NTM: variants seen among roughly 807,000 people sequenced by gnomAD.
NTM encodes neurotrimin, also known as IgLON family member 2.
In NTM, 13 loss-of-function variants were observed where a neutral mutation model predicts 42.1. The observed-to-expected ratio is 0.31, with a 90% CI of 0.20 to 0.49. The LOEUF (loss-of-function observed/expected upper bound fraction) is 0.49, where lower values mean the gene tolerates loss of function less well. Ranked by LOEUF, NTM falls within the 20% of genes least tolerant of loss-of-function variation. The probability of loss-of-function intolerance (pLI) is 0.99; values close to 1 mark genes in which losing one functional copy is unlikely to be tolerated. For missense variants in NTM, 373 were observed against 452.8 expected (o/e 0.82, Z 1.60); for synonymous variants, 187 against 179.2 (o/e 1.04, Z -0.35).
At chr11:131,440,013 A>G (rs1415136372) in intron 1 of NTM, among the ~76,000 whole-genome samples, 2 of 143,764 alleles carry the variant, frequency 1.4e-5, no homozygotes, top group African/African-American at 2.6e-5. Context: ...TTGAAAATGT[A>G]TCTTGTGGTA....
intron 1 of NTM, among the ~76,000 whole-genome samples, chr11:131,774,882 A>T (rs1345719391): frequency 1.3e-5 from 2 of 152,188 alleles, no homozygotes; most frequent in Admixed American, 1.3e-4. Flanking sequence ...AAATTCTGTA[A>T]TGTCTCATGA....
intron 1 of NTM, among the ~76,000 whole-genome samples, chr11:131,416,132 G>C (rs934344734): frequency 6.6e-6 from 1 of 151,422 alleles, no homozygotes; most frequent in African/African-American, 2.4e-5. Context: ...TGGGTATCCT[G>C]TATTTTATCT....
At chr11:131,458,647 C>T (rs1366773115) in intron 1 of NTM, among the ~76,000 whole-genome samples, 3 of 152,188 alleles carry the variant, frequency 2.0e-5, no homozygotes, top group Admixed American at 1.3e-4. Context: ...TTATCTCTAG[C>T]ACCTAGCACA....
At position 131,976,113 on chromosome 11, in the gene NTM, C is replaced by CTCCT. The variant is rs1329274388; in HGVS notation, c.167+64467_167+64468insCTTC. On this transcript the variant is annotated intron_variant, in intron 2 of 8. Transcript: ENST00000683400. The stretch of plus-strand genomic sequence containing the variant: ...CTTCCCTCCTTCCCTCCCTCCCTCC[C>CTCCT]TCATTCCTTCCTTCCTTCCTTCCTT... Among the ~76,000 whole-genome samples the CTCCT allele has an allele frequency of 4.5e-3, 301 of 67,316 alleles. 2 individuals carry two copies. Among genetic ancestry groups the CTCCT allele is most frequent in the African/African-American group, 0.014 (254 of 17,946 alleles). 44.2% of individuals were successfully genotyped at this position (67,316 alleles called of 152,430 possible). A position where few individuals can be genotyped will look rare whatever the true frequency, so the allele number is the denominator to read the frequency against.
intron 1 of NTM, among the ~76,000 whole-genome samples, chr11:131,378,663 C>T (rs1272217388): frequency 2.6e-5 from 4 of 152,126 alleles, no homozygotes; most frequent in Non-Finnish European, 4.4e-5. Context: ...CTAAGCCTTC[C>T]TGCAAGAGAA....
At chr11:132,165,937 G>A (rs1314042155) in intron 3 of NTM, among the ~76,000 whole-genome samples, 1 of 152,162 alleles carries the variant, frequency 6.6e-6, no homozygotes, top group Non-Finnish European at 1.5e-5. Context: ...CTCAGAGGAA[G>A]TGAGAGTTTT....
chr11:132,134,435 G>A (rs2067377746), intron 2 of NTM, among the ~76,000 whole-genome samples: 1 of 151,786 alleles, frequency 6.6e-6, no homozygotes, highest in African/African-American at 2.4e-5. Flanking sequence ...CACTCGAGCA[G>A]TGTACAGTGT....
chr11:132,122,337 A>G (rs1591647944), intron 2 of NTM, among the ~76,000 whole-genome samples: 1 of 152,266 alleles, frequency 6.6e-6, no homozygotes. Flanking sequence ...TTTCCCCACT[A>G]TGGTGTTCTG....
At chr11:132,265,576 A>C (rs2093131951) in intron 4 of NTM, among the ~76,000 whole-genome samples, 1 of 152,092 alleles carries the variant, frequency 6.6e-6, no homozygotes, top group African/African-American at 2.4e-5. Context: ...ATCTAAGGGG[A>C]ATACATTGCC....
At chr11:131,774,401 T>C (rs2086633378) in intron 1 of NTM, among the ~76,000 whole-genome samples, 1 of 152,198 alleles carries the variant, frequency 6.6e-6, no homozygotes, top group Admixed American at 6.5e-5. Context: ...CTTAGGGAGC[T>C]GGAAAAATCA....
chr11:131,873,178 A>G (rs2047977257), intron 1 of NTM, among the ~76,000 whole-genome samples: 2 of 152,190 alleles, frequency 1.3e-5, no homozygotes, highest in South Asian at 4.1e-4. Context: ...AATACTATGC[A>G]GCCATAAAAA....
At chr11:132,181,955 T>TTTATTATTATTATTA (rs56263428) in intron 3 of NTM, among the ~76,000 whole-genome samples, 1,987 of 140,988 alleles carry the variant, frequency 0.014, 28 homozygotes, top group Non-Finnish European at 0.02. Flanking sequence ...CACTATCTAG[T>TTTATTATTATTATTA]TTATTATTAT....
chr11:132,162,639 G>A (rs1169338846), intron 3 of NTM, among the ~76,000 whole-genome samples: 1 of 149,038 alleles, frequency 6.7e-6, no homozygotes, highest in African/African-American at 2.5e-5. Flanking sequence ...ATGTGTGTGG[G>A]GCATGTGTGT....
rs537942541 is a variant in NTM, at chr11:132,070,561, A to G, written c.168-75721A>G. On this transcript the variant is annotated intron_variant, in intron 2 of 8. Coordinates refer to ENST00000683400, the MANE Select transcript of NTM (RefSeq NM_001352005.2). ...CAAACTGACCGTCACAGTTTAGTTA[A>G]CACGTCACACAGCCAAGTTAACACG... Among the ~76,000 whole-genome samples the G allele has an allele frequency of 1.5e-3, 190 of 124,806 alleles. 6 individuals are homozygous for G. The highest frequency in any genetic ancestry group is 5.4e-3 in the African/African-American group (175 of 32,296). The allele number at this position is 124,806 out of a possible 152,430, so 81.9% of individuals were successfully genotyped here.
intron 1 of NTM, among the ~76,000 whole-genome samples, chr11:131,819,444 T>C (rs574493649): frequency 1.1e-4 from 16 of 152,066 alleles, no homozygotes; most frequent in Non-Finnish European, 2.1e-4. Flanking sequence ...ACATACCCGC[T>C]CACTCATTCA....
intron 2 of NTM, among the ~76,000 whole-genome samples, chr11:131,947,947 CTTATTA>C (rs915483668): frequency 1.3e-5 from 2 of 152,126 alleles, no homozygotes; most frequent in African/African-American, 2.4e-5. Context: ...ATGAGTAGTA[CTTATTA>C]TTAGTAGTAG....
intron 1 of NTM, among the ~76,000 whole-genome samples, chr11:131,869,974 C>T (rs1222567779): frequency 6.6e-6 from 1 of 152,220 alleles, no homozygotes; most frequent in East Asian, 1.9e-4. Flanking sequence ...TTCATTCACA[C>T]CTCAGCTGTA....
chr11:131,640,326 G>C (rs1397021412), intron 1 of NTM, among the ~76,000 whole-genome samples: 1 of 152,172 alleles, frequency 6.6e-6, no homozygotes, highest in Non-Finnish European at 1.5e-5. Context: ...GTTCAATAAA[G>C]GTTGAGATGC....
intron 1 of NTM, among the ~76,000 whole-genome samples, chr11:131,471,744 G>C (rs1274957546): frequency 1.3e-5 from 2 of 152,158 alleles, no homozygotes; most frequent in African/African-American, 4.8e-5. Context: ...CTCCAGCATA[G>C]CCTGCCTTGT....
Sources: allele counts gnomAD v4.1 joint callset (sites outside exome capture counted in the v4.1 genomes callset), GRCh38; gene constraint gnomAD v4.1.1; transcripts MANE v1.5; gene names NCBI Gene and HGNC (gene_info 2026-07-23, HGNC 2026-07-21).